The following CDH23 variants were observed in gnomAD, a reference collection of about 807,000 sequenced individuals.
CDH23 encodes cadherin related 23, also known as cadherin-23.
A neutral mutation model predicts 317.1 loss-of-function variants in CDH23; 189 were observed. The ratio of observed to expected loss-of-function variants is 0.60; its 90% CI spans 0.53 to 0.67. The LOEUF is 0.67. CDH23 is among the 30% of genes least tolerant of loss of function. The probability of loss-of-function intolerance (pLI) is 0.00; values close to 1 mark genes in which losing one functional copy is unlikely to be tolerated. For missense variants in CDH23, 4,401 were observed against 4,592.4 expected, an observed-to-expected ratio of 0.96 and a Z score of 1.20; for synonymous variants, 1,839 against 1,876.8, an observed-to-expected ratio of 0.98 and a Z score of 0.52.
At chr10:71,721,622 C>T (rs979775886) in intron 28 of CDH23, among the ~76,000 whole-genome samples, 14 of 152,320 alleles carry the variant, frequency 9.2e-5, no homozygotes, top group Admixed American at 7.2e-4. Context: ...CCAGTGTACT[C>T]GTCCTCCTCC....
At chr10:71,697,165 T>C (rs975237545) in intron 22 of CDH23, among the ~76,000 whole-genome samples, 25 of 152,340 alleles carry the variant, frequency 1.6e-4, no homozygotes, top group African/African-American at 6.0e-4. Flanking sequence ...AGGTGAGGAC[T>C]GCACACAGTC....
At chr10:71,430,577 G>A (rs1419929805) in intron 1 of CDH23, among the ~76,000 whole-genome samples, 2 of 152,182 alleles carry the variant, frequency 1.3e-5, no homozygotes, top group Non-Finnish European at 1.5e-5. Flanking sequence ...GGGAGGCCGA[G>A]GTGGGCGGAT....
chr10:71,810,133 A>G (rs1841874040), intron 61 of CDH23, 57 bp downstream of exon 61: 1 of 1,591,594 alleles, frequency 6.3e-7, no homozygotes, highest in African/African-American at 1.3e-5. Context: ...AGGGGAGGCC[A>G]GGCCACAAGG....
At chr10:71,750,978 A>G in intron 38 of CDH23, 2 of 434,050 alleles carry the variant, frequency 4.6e-6, no homozygotes, top group Non-Finnish European at 8.2e-6. Context: ...CTTAAGATGT[A>G]AGTCATTTGG....
At chr10:71,550,213 T>C (rs752408938) in intron 6 of CDH23, among the ~76,000 whole-genome samples, 10 of 152,250 alleles carry the variant, frequency 6.6e-5, no homozygotes, top group Middle Eastern at 3.4e-3. Flanking sequence ...GTAAAACTTC[T>C]AGTACAGCCT....
At chr10:71,601,372 A>C (rs3849957) in intron 9 of CDH23, among the ~76,000 whole-genome samples, 82,838 of 152,114 alleles carry the variant, frequency 0.54, 22,938 homozygotes, top group African/African-American at 0.64. Context: ...ACTAAGTAGG[A>C]TTATTACCTG....
At chr10:71,561,671 G>T (rs1287813609) in intron 6 of CDH23, among the ~76,000 whole-genome samples, 2 of 152,180 alleles carry the variant, frequency 1.3e-5, no homozygotes, top group Non-Finnish European at 2.9e-5. Flanking sequence ...ACTGGAAGAG[G>T]CAAGACCTGC....
At chr10:71,484,164 C>A (rs532160622) in intron 3 of CDH23, among the ~76,000 whole-genome samples, 3 of 152,166 alleles carry the variant, frequency 2.0e-5, no homozygotes, top group Non-Finnish European at 4.4e-5. Context: ...ACAGTCGAGC[C>A]GCTCTTAAAT....
intron 3 of CDH23, among the ~76,000 whole-genome samples, chr10:71,453,374 G>A (rs1009660572): frequency 1.6e-4 from 25 of 152,252 alleles, no homozygotes; most frequent in African/African-American, 5.5e-4. Context: ...CTCTGCAGAC[G>A]GAGGAGCGGT....
In CDH23 at chr10:71,799,597, G is replaced by A. The variant is rs1295819403; in HGVS notation, c.7330G>A (p.Gly2444Arg). 6.2e-7 allele frequency: 1 copy of A among 1,613,962 alleles called. No individual in the cohort carries two copies. Among genetic ancestry groups the A allele is most frequent in the Non-Finnish European group, 8.5e-7 (1 of 1,179,914 alleles). The change falls in exon 52 of 70, where the codon GGA becomes AGA. Residue 2444 changes from glycine to arginine, a missense_variant. By Grantham distance (125) the Gly-to-Arg change is moderately radical (BLOSUM62 -2). Coordinates refer to ENST00000224721, the MANE Select transcript of CDH23 (RefSeq NM_022124.6). The stretch of plus-strand genomic sequence containing the variant: ...ACTCATTGAGTACAGCCTTGGAGAT[G>A]GAGAGAGCAAGTTTGCCATCAACCC... ...FALIEYSLGD[G>R]ESKFAINPTT... is the part of the protein sequence containing the mutation.
chr10:71,445,469 T>C (rs1257130076), intron 2 of CDH23, among the ~76,000 whole-genome samples: 1 of 152,212 alleles, frequency 6.6e-6, no homozygotes, highest in African/African-American at 2.4e-5. Flanking sequence ...GCTCATATTC[T>C]GCTAGAGCCA....
intron 8 of CDH23, 150 bp downstream of exon 8, chr10:71,571,068 A>G: frequency 1.2e-6 from 1 of 814,432 alleles, no homozygotes. Flanking sequence ...GTTCTGGCAC[A>G]GCGAAACCCC....
chr10:71,714,862 C>T (rs1270634339), intron 28 of CDH23: 2 of 152,260 alleles, frequency 1.3e-5, no homozygotes, highest in East Asian at 1.9e-4. Context: ...CAGGTCCTCC[C>T]TCTGCCCACC....
intron 38 of CDH23, 37 bp downstream of exon 38, chr10:71,741,958 G>A: frequency 6.6e-7 from 1 of 1,505,448 alleles, no homozygotes; most frequent in Non-Finnish European, 9.0e-7. Context: ...GGAGCGGGTG[G>A]GCCAGGGCAG....
intron 1 of CDH23, among the ~76,000 whole-genome samples, chr10:71,423,002 C>T (rs1482622342): frequency 2.2e-5 from 3 of 139,214 alleles, no homozygotes; most frequent in African/African-American, 7.5e-5. Context: ...CCTCTCTCTC[C>T]CCTTCCATTT....
chr10:71,681,720 T>A (rs1864660384), intron 17 of CDH23, among the ~76,000 whole-genome samples: 1 of 152,200 alleles, frequency 6.6e-6, no homozygotes, highest in African/African-American at 2.4e-5. Flanking sequence ...GAGGATTGCT[T>A]GAAGCAGAAG....
chr10:71,644,665 C>A (rs1862740323), intron 12 of CDH23, among the ~76,000 whole-genome samples: 1 of 152,220 alleles, frequency 6.6e-6, no homozygotes, highest in Admixed American at 6.5e-5. Context: ...CACAACATAC[C>A]CTAAGCAACC....
chr10:71,540,727 G>T (rs1174882668), intron 6 of CDH23, among the ~76,000 whole-genome samples: 1 of 152,114 alleles, frequency 6.6e-6, no homozygotes, highest in Non-Finnish European at 1.5e-5. Context: ...GCCCAGCTCT[G>T]TGCAAATCCC....
chr10:71,500,868 T>C (rs894337209), intron 3 of CDH23, among the ~76,000 whole-genome samples: 1 of 151,680 alleles, frequency 6.6e-6, no homozygotes, highest in Non-Finnish European at 1.5e-5. Flanking sequence ...TTTCTTTTTT[T>C]GTTTTGTTTG....
Sources: allele counts gnomAD v4.1 joint callset (sites outside exome capture counted in the v4.1 genomes callset), GRCh38; gene constraint gnomAD v4.1.1; transcripts MANE v1.5; gene names NCBI Gene and HGNC (gene_info 2026-07-23, HGNC 2026-07-21).